Variants in GPI observed in about 807,000 individuals in gnomAD.
The protein encoded by GPI is D-hexose-6-phosphate anomerase.
Under a neutral mutation model 75.8 loss-of-function variants are expected in GPI, and 56 were observed. That is an observed-to-expected ratio of 0.74 (90% CI 0.60 to 0.92). GPI has a LOEUF of 0.92. Ranked by LOEUF, GPI falls within the 40% of genes least tolerant of loss-of-function variation. The pLI is 0.00. For synonymous variants in GPI, 288 were observed against 285.4 expected (o/e 1.01, Z -0.09); for missense variants, 638 against 741.0 (o/e 0.86, Z 1.61).
At chr19:34,382,909 G>A (rs373847348) in intron 9 of GPI, among the ~76,000 whole-genome samples, 56 of 152,286 alleles carry the variant, frequency 3.7e-4, no homozygotes, top group African/African-American at 1.2e-3. Context: ...ACCTGCCTGA[G>A]TTACTAGAGT....
rs143627913 is a variant in GPI at position 34,399,573 on chromosome 19, C to G, written c.1416C>G (p.Arg472=). The G allele has an allele frequency of 1.2e-6, 2 of 1,614,016 alleles. No homozygotes were observed. The highest frequency in any genetic ancestry group is 2.7e-5 in the African/African-American group (2 of 74,914). The change falls in exon 16 of 18, where the codon CGC becomes CGG. Residue 472 remains arginine (R), a synonymous_variant. Transcript: ENST00000356487. ...LLPHKVFEGN[R]PTNSIVFTKL... The stretch of plus-strand genomic sequence containing the variant: ...TTCTGCAGGTCTTTGAAGGAAATCG[C>G]CCAACCAACTCTATTGTGTTCACCA...
intron 9 of GPI, among the ~76,000 whole-genome samples, chr19:34,389,020 G>A (rs2074781611): frequency 6.6e-6 from 1 of 152,000 alleles, no homozygotes; most frequent in Non-Finnish European, 1.5e-5. Context: ...TTGAGCCCAG[G>A]AGTTTGAGGC....
At position 34,377,722 on chromosome 19, in the gene GPI, T is replaced by C. The variant is rs767200143; in HGVS notation, c.487-13T>C. On this transcript the variant is annotated splice_polypyrimidine_tract_variant and intron_variant, in intron 5 of 17. Coordinates refer to ENST00000356487, the MANE Select transcript of GPI (RefSeq NM_000175.5). Reference sequence around the variant, plus strand: ...CCTGAATTCTTATTCTCTGATGCTATGTCTCCCCGCAGGGACCCCTCATGG... The same window carrying C: ...CCTGAATTCTTATTCTCTGATGCTACGTCTCCCCGCAGGGACCCCTCATGG... 1 of 1,613,810 alleles carries C rather than the reference T, an allele frequency of 6.2e-7. No homozygotes were observed. The highest frequency in any genetic ancestry group is 8.5e-7 in the Non-Finnish European group (1 of 1,179,752).
At position 34,399,800 on chromosome 19, in the gene GPI, T is replaced by G; in HGVS notation, c.1541+15T>G. On this transcript the variant is annotated intron_variant, in intron 17 of 17. Transcript: ENST00000356487. The stretch of plus-strand genomic sequence containing the variant: ...GACCAGTGGGGGTGAGTTGCTCACT[T>G]AGGGGAGGGCCGGGAATACCTTTGT... 1 of 1,613,716 alleles carries G rather than the reference T, an allele frequency of 6.2e-7. No homozygotes were observed. Among genetic ancestry groups the G allele is most frequent in the Non-Finnish European group, 8.5e-7 (1 of 1,179,666 alleles).
chr19:34,399,259 C>T lies in GPI; in HGVS notation c.1322C>T (p.Ser441Leu), dbSNP rs201770056. ...AQTEALMRGK[S>L]TEEARKELQA... ...ACAGAGGCCCTGATGAGGGGAAAAT[C>T]GACGGAGGAGGCCCGAAAGGAGCTC... is the stretch of plus-strand genomic sequence containing the variant. Residue 441 changes from serine (S) to leucine (L), a missense_variant, in exon 15 of 18, where the codon TCG becomes TTG. Coordinates refer to ENST00000356487, the MANE Select transcript of GPI (RefSeq NM_000175.5). 8.7e-6 allele frequency: 14 copies of T among 1,613,730 alleles called. No homozygotes were observed. Among genetic ancestry groups the T allele is most frequent in the Non-Finnish European group, 1.2e-5 (14 of 1,179,948 alleles).
intron 9 of GPI, among the ~76,000 whole-genome samples, chr19:34,389,320 G>A (rs923825304): frequency 6.6e-6 from 1 of 152,084 alleles, no homozygotes; most frequent in African/African-American, 2.4e-5. Context: ...GTCCATCTCC[G>A]GGGCTTCAAA....
At chr19:34,371,954 A>G (rs1321194525) in intron 4 of GPI, among the ~76,000 whole-genome samples, 1 of 149,532 alleles carries the variant, frequency 6.7e-6, no homozygotes, top group Non-Finnish European at 1.5e-5. Context: ...TTTTTGAGAC[A>G]GAGTCTTACT....
At position 34,386,616 on chromosome 19, in the gene GPI, C is replaced by T. The variant is rs569019166; in HGVS notation, c.804+5097C>T. On this transcript the variant is annotated intron_variant, in intron 9 of 17. Transcript: ENST00000356487. ...CAGAGTTGAGCCTAGGTGTATAGAG[C>T]GGCCTCCCAGGTCAACCCCATAGCA... Among the ~76,000 whole-genome samples the T allele has an allele frequency of 2.2e-3, 337 of 152,322 alleles. 7 individuals carry two copies. The highest frequency in any genetic ancestry group is 2.3e-3 in the East Asian group (12 of 5,186).
chr19:34,383,882 C>G (rs7248411), intron 9 of GPI, among the ~76,000 whole-genome samples: 50,008 of 152,068 alleles, frequency 0.33, 11,588 homozygotes, highest in African/African-American at 0.65. Context: ...AGGCCGAGGT[C>G]AGCAGCCAGG....
At chr19:34,383,460 G>A (rs1302411775) in intron 9 of GPI, among the ~76,000 whole-genome samples, 4 of 152,188 alleles carry the variant, frequency 2.6e-5, no homozygotes, top group African/African-American at 7.2e-5. Context: ...ATCTCTGGCC[G>A]GTTCCGAAAA....
rs915652750 is a variant in GPI, at chr19:34,400,689, C to T, written c.*653C>T. On this transcript the variant is annotated 3_prime_UTR_variant, in exon 18 of 18. Coordinates refer to ENST00000356487, the MANE Select transcript of GPI (RefSeq NM_000175.5). ...GGATGACTGCCATCTCCTGGCAAGA[C>T]GCTCAGGTAGTTCTTTTGCTTTAAA... 3 of 402,578 alleles carry T rather than the reference C, an allele frequency of 7.5e-6. No homozygotes were observed. Among genetic ancestry groups the T allele is most frequent in the East Asian group, 3.6e-5 (1 of 28,162 alleles). The allele number at this position is 402,578 out of a possible 1,614,324, so 24.9% of individuals were successfully genotyped here.
intron 17 of GPI, 27 bp from the exon 18 acceptor site, chr19:34,399,874 T>TCTTCC (rs755615286): frequency 7.4e-6 from 12 of 1,613,786 alleles, no homozygotes; most frequent in South Asian, 3.3e-5. Flanking sequence ...CTCATACCAC[T>TCTTCC]CTTCCCTTCC....
intron 9 of GPI, among the ~76,000 whole-genome samples, chr19:34,382,378 G>A (rs1259732287): frequency 1.3e-5 from 2 of 152,264 alleles, no homozygotes; most frequent in Admixed American, 6.5e-5. Context: ...AGCTCTAAAG[G>A]CCTTTTACTA....
rs374998327 is a variant in GPI, at chr19:34,366,967, A to G, written c.282+116A>G. 1.2e-3 allele frequency: 986 copies of G among 844,612 alleles called. 10 individuals are homozygous for G. In the South Asian group the frequency reaches 0.013, roughly 11 times the overall value. The allele number at this position is 844,612 out of a possible 1,614,324, so 52.3% of individuals were successfully genotyped here. A position where few individuals can be genotyped will look rare whatever the true frequency, so the allele number is the denominator to read the frequency against. On this transcript the variant is annotated intron_variant, in intron 3 of 17. Transcript: ENST00000356487. ...TTCTCTTGGGCAATGCTTTTGCTTA[A>G]TGAGGGGCCTGAAGGCCTTTTTCCT...
intron 4 of GPI, among the ~76,000 whole-genome samples, chr19:34,375,793 G>A (rs2074527035): frequency 6.6e-6 from 1 of 152,210 alleles, no homozygotes; most frequent in African/African-American, 2.4e-5. Context: ...ACTCACTTCT[G>A]AAGTCACATT....
rs115631556 is a variant in GPI at position 34,395,763 on chromosome 19, C to T, written c.1063-538C>T. On this transcript the variant is annotated intron_variant, in intron 12 of 17. Coordinates refer to ENST00000356487, the MANE Select transcript of GPI (RefSeq NM_000175.5). ...AGGAAGGGGATCGTGCCTGTGGACACGTGTGCAGGTCCACCTCACGGTGTC... is the reference window on the plus strand; with the variant it reads ...AGGAAGGGGATCGTGCCTGTGGACATGTGTGCAGGTCCACCTCACGGTGTC... 3.8e-3 allele frequency among the ~76,000 whole-genome samples: 577 copies of T among 152,168 alleles called. 3 individuals are homozygous for T. The highest frequency in any genetic ancestry group is 0.013 in the African/African-American group (549 of 41,506).
chr19:34,360,365 G>A (rs1282128311), upstream of GPI, among the ~76,000 whole-genome samples: 1 of 152,156 alleles, frequency 6.6e-6, no homozygotes, highest in Admixed American at 6.5e-5. Context: ...GGCTGAGGCA[G>A]GAAGATCTCT....
chr19:34,381,677 G>C (rs2074655941), intron 9 of GPI, 158 bp downstream of exon 9: 2 of 719,920 alleles, frequency 2.8e-6, no homozygotes, highest in African/African-American at 1.7e-5. Flanking sequence ...TGGAGGGCAA[G>C]AGCAACCCAG....
intron 3 of GPI, 121 bp downstream of exon 3, chr19:34,366,972 G>C: frequency 1.2e-6 from 1 of 809,266 alleles, no homozygotes; most frequent in South Asian, 1.4e-5. Context: ...GCTTAATGAG[G>C]GGCCTGAAGG....
Sources: allele counts gnomAD v4.1 joint callset (sites outside exome capture counted in the v4.1 genomes callset), GRCh38; gene constraint gnomAD v4.1.1; transcripts MANE v1.5; gene names NCBI Gene and HGNC (gene_info 2026-07-23, HGNC 2026-07-21).